PCCA: variants seen among roughly 807,000 people sequenced by gnomAD.
The protein encoded by PCCA is propionyl-CoA carboxylase subunit alpha.
In PCCA, 74 loss-of-function variants were observed where a neutral mutation model predicts 101.3. The ratio of observed to expected loss-of-function variants is 0.73; its 90% CI spans 0.61 to 0.89. The LOEUF is 0.89. PCCA is among the 40% of genes least tolerant of loss of function. PCCA has a pLI of 0.00. For missense variants in PCCA, 891 were observed against 907.0 expected (o/e 0.98, Z 0.23); for synonymous variants, 294 against 313.6 (o/e 0.94, Z 0.66).
chr13:100,353,913 A>G (rs1435633434), intron 18 of PCCA, among the ~76,000 whole-genome samples: 3 of 151,904 alleles, frequency 2.0e-5, no homozygotes, highest in Non-Finnish European at 4.4e-5. Flanking sequence ...AGATCGTACT[A>G]CTGTACTCCT....
chr13:100,223,640 C>T (rs891198585), intron 7 of PCCA, among the ~76,000 whole-genome samples: 6 of 152,116 alleles, frequency 3.9e-5, no homozygotes, highest in Non-Finnish European at 7.4e-5. Flanking sequence ...GAGCGTGTTG[C>T]CACTGCTGGC....
chr13:100,347,380 A>G (rs1240585112), intron 18 of PCCA, among the ~76,000 whole-genome samples: 2 of 152,200 alleles, frequency 1.3e-5, no homozygotes, highest in East Asian at 1.9e-4. Context: ...ACTAAAATGC[A>G]TTCTGAAACT....
At chr13:100,180,297 C>T (rs1035261383) in intron 6 of PCCA, among the ~76,000 whole-genome samples, 10 of 152,186 alleles carry the variant, frequency 6.6e-5, no homozygotes, top group African/African-American at 2.4e-4. Context: ...CACCTGTAGA[C>T]GTCCTCACTC....
At chr13:100,369,779 T>C (rs2075446477) in intron 19 of PCCA, among the ~76,000 whole-genome samples, 1 of 152,194 alleles carries the variant, frequency 6.6e-6, no homozygotes. Flanking sequence ...ATTCCACCTA[T>C]TGACATGGTC....
chr13:100,385,707 C>T (rs553955758), intron 19 of PCCA, among the ~76,000 whole-genome samples: 5 of 152,236 alleles, frequency 3.3e-5, no homozygotes, highest in Non-Finnish European at 4.4e-5. Flanking sequence ...ACTGCAACGT[C>T]GGCCTCCTAG....
intron 2 of PCCA, among the ~76,000 whole-genome samples, chr13:100,110,976 C>T (rs947124372): frequency 6.6e-6 from 1 of 151,390 alleles, no homozygotes; most frequent in Non-Finnish European, 1.5e-5. Flanking sequence ...GGATTACGGG[C>T]ATGCACCATC....
chr13:100,184,708 A>G (rs1566657072), intron 6 of PCCA, among the ~76,000 whole-genome samples: 1 of 152,210 alleles, frequency 6.6e-6, no homozygotes, highest in Non-Finnish European at 1.5e-5. Context: ...TTTCAATACA[A>G]CTTTCATTAT....
intron 4 of PCCA, among the ~76,000 whole-genome samples, chr13:100,148,963 G>C (rs2152365389): frequency 6.6e-6 from 1 of 152,130 alleles, no homozygotes; most frequent in East Asian, 1.9e-4. Context: ...TGCTACACAT[G>C]TAGTTTTTCA....
chr13:100,264,118 GTA>G (rs1477939392), intron 10 of PCCA, among the ~76,000 whole-genome samples: 30 of 108,124 alleles, frequency 2.8e-4, no homozygotes, highest in African/African-American at 6.6e-4. Flanking sequence ...TACGGTATCT[GTA>G]TATCGTATAT....
At chr13:100,452,253 T>C (rs2081382230) in intron 21 of PCCA, among the ~76,000 whole-genome samples, 1 of 151,488 alleles carries the variant, frequency 6.6e-6, no homozygotes, top group Admixed American at 6.6e-5. Context: ...CCTGTCTCCC[T>C]CTCCCCTGTC....
chr13:100,214,931 C>G (rs1187292824), intron 7 of PCCA, among the ~76,000 whole-genome samples: 1 of 152,140 alleles, frequency 6.6e-6, no homozygotes, highest in Non-Finnish European at 1.5e-5. Flanking sequence ...GTATGCCTAT[C>G]TTTAATAACT....
At chr13:100,164,955 A>G (rs896331526) in intron 6 of PCCA, among the ~76,000 whole-genome samples, 28 of 151,834 alleles carry the variant, frequency 1.8e-4, no homozygotes, top group Non-Finnish European at 3.7e-4. Context: ...TTGTTCTTTT[A>G]TGTCTGGCTT....
intron 21 of PCCA, among the ~76,000 whole-genome samples, chr13:100,500,542 G>T (rs2085591248): frequency 6.6e-6 from 1 of 152,090 alleles, no homozygotes; most frequent in South Asian, 2.1e-4. Flanking sequence ...AGCAGTTAAG[G>T]CTGGTTTCAG....
chr13:100,382,576 C>G (rs1256568322), intron 19 of PCCA, among the ~76,000 whole-genome samples: 3 of 152,072 alleles, frequency 2.0e-5, no homozygotes, highest in Non-Finnish European at 4.4e-5. Flanking sequence ...ATCATTGTAT[C>G]AATATCAAAC....
At chr13:100,479,719 A>G (rs1191304405) in intron 21 of PCCA, 2 of 152,202 alleles carry the variant, frequency 1.3e-5, no homozygotes, top group Admixed American at 6.5e-5. Flanking sequence ...AAGTGGCCCC[A>G]TGCAGTTCAA....
intron 21 of PCCA, among the ~76,000 whole-genome samples, chr13:100,492,660 G>C (rs550051134): frequency 6.6e-6 from 1 of 151,216 alleles, no homozygotes; most frequent in Non-Finnish European, 1.5e-5. Flanking sequence ...TCCCGTTTTT[G>C]TGCCCAAATG....
At chr13:100,155,789 A>C (rs2053823872) in intron 5 of PCCA, among the ~76,000 whole-genome samples, 1 of 152,238 alleles carries the variant, frequency 6.6e-6, no homozygotes, top group Non-Finnish European at 1.5e-5. Flanking sequence ...TTAAGCCTGG[A>C]GCGCTTCAAT....
chr13:100,221,774 G>A (rs1223298033), intron 7 of PCCA, among the ~76,000 whole-genome samples: 2 of 127,852 alleles, frequency 1.6e-5, no homozygotes, highest in Admixed American at 8.8e-5. Flanking sequence ...TTTTGAGACG[G>A]AGTCTCACCC....
intron 4 of PCCA, among the ~76,000 whole-genome samples, chr13:100,143,075 A>G (rs898326555): frequency 6.6e-6 from 1 of 152,082 alleles, no homozygotes; most frequent in African/African-American, 2.4e-5. Flanking sequence ...CTGTTTTTCA[A>G]TCCTGCTACT....
Sources: allele counts gnomAD v4.1 joint callset (sites outside exome capture counted in the v4.1 genomes callset), GRCh38; gene constraint gnomAD v4.1.1; transcripts MANE v1.5; gene names NCBI Gene and HGNC (gene_info 2026-07-23, HGNC 2026-07-21).